The following ABCB7 variants were observed in gnomAD, a reference collection of about 807,000 sequenced individuals.
ABCB7 encodes the protein iron-sulfur clusters transporter ABCB7, mitochondrial.
ABCB7 carries 7 observed loss-of-function variants against 54.4 expected under a neutral mutation model. The ratio of observed to expected loss-of-function variants is 0.13; its 90% CI spans 0.07 to 0.24. The LOEUF is 0.24. Among genes scored for constraint, ABCB7 ranks in the 10% least tolerant of loss-of-function variants. The probability of loss-of-function intolerance (pLI) is 1.00; values close to 1 mark genes in which losing one functional copy is unlikely to be tolerated. For missense variants in ABCB7, 356 were observed against 570.4 expected, an observed-to-expected ratio of 0.62 and a Z score of 3.83; for synonymous variants, 218 against 207.1, an observed-to-expected ratio of 1.05 and a Z score of -0.45.
At chrX:75,065,857 T>C (rs1479363948) in intron 12 of ABCB7, among the ~76,000 whole-genome samples, 2 of 111,422 alleles carry the variant, frequency 1.8e-5, no homozygotes, top group Non-Finnish European at 3.8e-5. Flanking sequence ...CAATAATGTA[T>C]AAGTACACGC....
chrX:75,113,500 G>C (rs1431281345), intron 2 of ABCB7, among the ~76,000 whole-genome samples: 1 of 111,465 alleles, frequency 9.0e-6, no homozygotes, highest in Non-Finnish European at 1.9e-5. Flanking sequence ...TGCCTATATT[G>C]TAGTCATTTG....
rs1007718391 is a variant in ABCB7 at position 75,061,554 on chromosome X, T to C, written c.1935+774A>G. 2.7e-5 allele frequency among the ~76,000 whole-genome samples: 3 copies of C among 111,706 alleles called. No individual in the cohort carries two copies. The Admixed American group carries it at 2.9e-4, about 11-fold the overall frequency. On this transcript the variant is annotated intron_variant, in intron 14 of 15. Transcript: ENST00000373394. ...ATGGGCCCTGAAACTTAACTCCGTATGAAAATATTATGTCACACAGCCTGC... is the reference window on the plus strand; with the variant it reads ...ATGGGCCCTGAAACTTAACTCCGTACGAAAATATTATGTCACACAGCCTGC...
intron 12 of ABCB7, among the ~76,000 whole-genome samples, chrX:75,067,082 C>G (rs1349244311): frequency 2.7e-5 from 3 of 111,678 alleles, no homozygotes; most frequent in Non-Finnish European, 5.6e-5. Flanking sequence ...GAATATTTTT[C>G]AGGAACTTGA....
At chrX:75,067,674 G>A (rs982655131) in intron 12 of ABCB7, among the ~76,000 whole-genome samples, 2 of 110,024 alleles carry the variant, frequency 1.8e-5, no homozygotes, top group Admixed American at 9.8e-5. Flanking sequence ...TACTAGAGAC[G>A]GGGTTTCATC....
At chrX:75,121,947 T>C (rs769992416) in intron 1 of ABCB7, among the ~76,000 whole-genome samples, 1 of 111,189 alleles carries the variant, frequency 9.0e-6, no homozygotes, top group Non-Finnish European at 1.9e-5. Flanking sequence ...ATCATCCCTA[T>C]TCAGCCTGAA....
intron 1 of ABCB7, among the ~76,000 whole-genome samples, chrX:75,148,374 A>C (rs1455996585): frequency 9.2e-6 from 1 of 108,551 alleles, no homozygotes; most frequent in Admixed American, 9.8e-5. Context: ...TTAGCATCCC[A>C]AACCCCCCCC....
At chrX:75,091,675 GAAAA>G (rs61662732) in intron 4 of ABCB7, among the ~76,000 whole-genome samples, 2 of 101,286 alleles carry the variant, frequency 2.0e-5, no homozygotes, top group African/African-American at 7.1e-5. Flanking sequence ...CAGAAAATCT[GAAAA>G]AAAAAAATCA....
intron 4 of ABCB7, among the ~76,000 whole-genome samples, chrX:75,096,995 T>C (rs960574351): frequency 1.8e-5 from 2 of 111,654 alleles, no homozygotes; most frequent in African/African-American, 6.5e-5. Context: ...AAATAAATGG[T>C]ATCCCTACTT....
chrX:75,151,655 A>C (rs1026993088), intron 1 of ABCB7, among the ~76,000 whole-genome samples: 2 of 111,889 alleles, frequency 1.8e-5, no homozygotes, highest in Non-Finnish European at 3.8e-5. Flanking sequence ...CTGGTCCTAA[A>C]GGATTACAGT....
intron 1 of ABCB7, among the ~76,000 whole-genome samples, chrX:75,143,908 C>T (rs926393045): frequency 3.1e-4 from 35 of 111,215 alleles, no homozygotes; most frequent in African/African-American, 1.1e-3. Flanking sequence ...CACAGCCAAA[C>T]CATATCAGAT....
At chrX:75,080,459 C>G (rs751818260) in intron 4 of ABCB7, among the ~76,000 whole-genome samples, 1 of 111,148 alleles carries the variant, frequency 9.0e-6, no homozygotes, top group Non-Finnish European at 1.9e-5. Flanking sequence ...TGCACGCCAC[C>G]AGGCCCAGCT....
chrX:75,088,614 GA>G (rs1230391995), intron 4 of ABCB7, among the ~76,000 whole-genome samples: 1 of 111,183 alleles, frequency 9.0e-6, no homozygotes, highest in Non-Finnish European at 1.9e-5. Context: ...AAAGTGAAAT[GA>G]AAGAACAAAA....
intron 1 of ABCB7, among the ~76,000 whole-genome samples, chrX:75,138,048 ATCT>A (rs2147563083): frequency 8.9e-6 from 1 of 112,238 alleles, no homozygotes; most frequent in South Asian, 3.7e-4. Context: ...AAATAAAAAC[ATCT>A]TCTAAATGTT....
At chrX:75,128,506 A>T (rs2081950990) in intron 1 of ABCB7, among the ~76,000 whole-genome samples, 1 of 111,871 alleles carries the variant, frequency 8.9e-6, no homozygotes, top group Non-Finnish European at 1.9e-5. Flanking sequence ...CTACAAGAAA[A>T]CCTAGGCAAT....
At chrX:75,122,131 T>C (rs1275098768) in intron 1 of ABCB7, among the ~76,000 whole-genome samples, 2 of 111,636 alleles carry the variant, frequency 1.8e-5, no homozygotes, top group Non-Finnish European at 3.8e-5. Flanking sequence ...ACAGTTAAGG[T>C]ATTCTAAGTC....
intron 3 of ABCB7, 86 bp downstream of exon 3, chrX:75,112,800 T>C: frequency 1.3e-6 from 1 of 765,925 alleles, no homozygotes; most frequent in Admixed American, 2.2e-5. Context: ...ATCAAAATAT[T>C]CTAGGATATT....
At chrX:75,106,916 G>A (rs763582587) in intron 3 of ABCB7, among the ~76,000 whole-genome samples, 5 of 111,106 alleles carry the variant, frequency 4.5e-5, no homozygotes, top group Non-Finnish European at 9.4e-5. Flanking sequence ...CAAAAATCAG[G>A]TGAGCCCTCA....
chrX:75,104,047 G>GTTTTTTTTTTTTTTTTTTTTT lies in ABCB7; in HGVS notation c.334-5007_334-4987dup, dbSNP rs757074347. On this transcript the variant is annotated intron_variant, in intron 3 of 15. Coordinates refer to ENST00000373394, the MANE Select transcript of ABCB7 (RefSeq NM_001271696.3). ...AAATGGGCATCCCTGTCTTGTTACAGTTTTTTTTTTTTTTTTTTTTTTTTT... is the reference window on the plus strand; with the variant it reads ...AAATGGGCATCCCTGTCTTGTTACAGTTTTTTTTTTTTTTTTTTTTTTTTTTTTTTTTTTTTTTTTTTTTTT... Among the ~76,000 whole-genome samples the GTTTTTTTTTTTTTTTTTTTTT allele has an allele frequency of 1.5e-3, 20 of 13,442 alleles. 5 individuals are homozygous for GTTTTTTTTTTTTTTTTTTTTT. Among genetic ancestry groups the GTTTTTTTTTTTTTTTTTTTTT allele is most frequent in the East Asian group, 7.2e-3 (1 of 139 alleles). 11.7% of individuals were successfully genotyped at this position (13,442 alleles called of 115,157 possible).
intron 3 of ABCB7, among the ~76,000 whole-genome samples, chrX:75,104,047 G>GTTTTTTTTGTTTTTTTTTTTTTTT (rs2081664100): frequency 1.5e-4 from 2 of 13,446 alleles, no homozygotes; most frequent in Non-Finnish European, 3.5e-4. Context: ...TCTTGTTACA[G>GTTTTTTTTGTTTTTTTTTTTTTTT]TTTTTTTTTT....
Sources: allele counts gnomAD v4.1 joint callset (sites outside exome capture counted in the v4.1 genomes callset), GRCh38; gene constraint gnomAD v4.1.1; transcripts MANE v1.5; gene names NCBI Gene and HGNC (gene_info 2026-07-23, HGNC 2026-07-21).